COLEC11: variants seen among roughly 807,000 people sequenced by gnomAD.
COLEC11 encodes the protein collectin subfamily member 11.
In COLEC11, 20 loss-of-function variants were observed where a neutral mutation model predicts 27.3. The ratio of observed to expected loss-of-function variants is 0.73; its 90% CI spans 0.51 to 1.06. The LOEUF is 1.06. Among genes scored for constraint, COLEC11 ranks in the 50% least tolerant of loss-of-function variants. COLEC11 has a pLI of 0.00. For missense variants in COLEC11, 310 were observed against 383.0 expected, an observed-to-expected ratio of 0.81 and a Z score of 1.59; for synonymous variants, 163 against 154.7, an observed-to-expected ratio of 1.05 and a Z score of -0.40.
chr2:3,596,267 G>C (rs1041232134), intron 1 of COLEC11, among the ~76,000 whole-genome samples: 1 of 152,024 alleles, frequency 6.6e-6, no homozygotes, highest in Non-Finnish European at 1.5e-5. Flanking sequence ...CCTTGCTGTA[G>C]ATACTTAATG....
At chr2:3,606,178 C>G in intron 2 of COLEC11, 1 of 1,550,408 alleles carries the variant, frequency 6.4e-7, no homozygotes. Context: ...CTGTGGAGGT[C>G]ACGTCCCTGC....
chr2:3,633,388 C>G (rs1299239548), intron 3 of COLEC11, among the ~76,000 whole-genome samples: 1 of 152,282 alleles, frequency 6.6e-6, no homozygotes, highest in Non-Finnish European at 1.5e-5. Context: ...TTAGCCATCT[C>G]TGAATCACAC....
At chr2:3,621,955 G>A (rs993508610) in intron 3 of COLEC11, among the ~76,000 whole-genome samples, 1 of 152,044 alleles carries the variant, frequency 6.6e-6, no homozygotes, top group African/African-American at 2.4e-5. Flanking sequence ...GAGGCGGGTG[G>A]ATCACGAGGT....
chr2:3,627,514 T>C (rs1664646739), intron 3 of COLEC11, among the ~76,000 whole-genome samples: 1 of 148,424 alleles, frequency 6.7e-6, no homozygotes, highest in Non-Finnish European at 1.5e-5. Context: ...CTGGGCATAA[T>C]AACGGTAGAT....
intron 3 of COLEC11, among the ~76,000 whole-genome samples, chr2:3,631,758 C>T (rs554709206): frequency 2.0e-5 from 3 of 151,504 alleles, no homozygotes; most frequent in African/African-American, 4.9e-5. Context: ...GGGCTCTGCT[C>T]GGAGGGCTCT....
intron 3 of COLEC11, chr2:3,626,121 A>G (rs1160302518): frequency 1.9e-6 from 3 of 1,574,396 alleles, no homozygotes; most frequent in Non-Finnish European, 2.6e-6. Flanking sequence ...CCACCTTCAC[A>G]CTTAAGTTGG....
At chr2:3,597,063 C>A (rs897904902) in intron 1 of COLEC11, among the ~76,000 whole-genome samples, 4 of 152,132 alleles carry the variant, frequency 2.6e-5, no homozygotes, top group Non-Finnish European at 5.9e-5. Flanking sequence ...ATGAGTGGAG[C>A]GAGTGAAGGC....
chr2:3,602,718 C>T lies in COLEC11; in HGVS notation c.-26-1597C>T, dbSNP rs993732825. Among the ~76,000 whole-genome samples the T allele has an allele frequency of 2.6e-5, 4 of 152,240 alleles. No homozygotes were observed. The highest frequency in any genetic ancestry group is 1.9e-4 in the East Asian group (1 of 5,202). On this transcript the variant is annotated intron_variant, in intron 1 of 6. Transcript: ENST00000349077. The surrounding 1 kb of genome is among the most constrained non-coding windows in gnomAD (Gnocchi z 6.2). ...AACCCCCAAAGCTGCTGGGCGCCGG[C>T]TCCTGTCTCCTGTCCTCTGTGCCCA...
At chr2:3,601,506 C>A (rs1180361605) in intron 1 of COLEC11, among the ~76,000 whole-genome samples, 1 of 152,134 alleles carries the variant, frequency 6.6e-6, no homozygotes. Flanking sequence ...GTTGCCCAGG[C>A]TGATCTCAAA....
chr2:3,621,402 T>C (rs1664177847), intron 3 of COLEC11, among the ~76,000 whole-genome samples: 1 of 152,034 alleles, frequency 6.6e-6, no homozygotes, highest in Admixed American at 6.5e-5. Context: ...CCTTCATTTT[T>C]AGTCTATGTG....
chr2:3,634,530 G>A (rs1048000963), intron 3 of COLEC11, among the ~76,000 whole-genome samples: 4 of 152,172 alleles, frequency 2.6e-5, no homozygotes, highest in African/African-American at 9.7e-5. Context: ...CCCTTGCAGC[G>A]AGTTTTGGGC....
At chr2:3,598,592 G>C (rs1558482139) in intron 1 of COLEC11, among the ~76,000 whole-genome samples, 1 of 152,212 alleles carries the variant, frequency 6.6e-6, no homozygotes, top group African/African-American at 2.4e-5. Flanking sequence ...TCAGCTGGTG[G>C]GGTCCTGGGT....
chr2:3,596,337 A>ATTTTTTTTT (rs369478323), intron 1 of COLEC11, among the ~76,000 whole-genome samples: 1 of 132,772 alleles, frequency 7.5e-6, no homozygotes, highest in Admixed American at 7.7e-5. Context: ...TGTCTATTTC[A>ATTTTTTTTT]TTTTTTTTTT....
chr2:3,614,703 T>C (rs762295516), intron 3 of COLEC11, among the ~76,000 whole-genome samples: 6 of 152,140 alleles, frequency 3.9e-5, no homozygotes, highest in Non-Finnish European at 8.8e-5. Flanking sequence ...GTTGCACAAG[T>C]TGTAGAAGAA....
In COLEC11 at chr2:3,643,957, C is replaced by T. The variant is rs368184468; in HGVS notation, c.655C>T (p.His219Tyr). The T allele has an allele frequency of 3.1e-6, 5 of 1,614,064 alleles. No individual in the cohort carries two copies. The African/African-American group carries it at 4.0e-5, about 13-fold the overall frequency. Residue 219 changes from histidine to tyrosine, a missense_variant, in exon 7 of 7, where the codon CAC becomes TAC. Transcript: ENST00000349077. ...GGAGGGCGCCTTCGTGTACTCTGAC[C>T]ACTCCCCCATGCGGACCTTCAACAA... ...EKEGAFVYSD[H>Y]SPMRTFNKWR...
At chr2:3,625,179 CCTTT>C (rs1664453642) in intron 3 of COLEC11, among the ~76,000 whole-genome samples, 1 of 152,252 alleles carries the variant, frequency 6.6e-6, no homozygotes, top group Non-Finnish European at 1.5e-5. Flanking sequence ...CTCCCTCCCT[CCTTT>C]CTTCCTTCCT....
At chr2:3,607,428 A>G (rs1413446472) in intron 2 of COLEC11, among the ~76,000 whole-genome samples, 1 of 146,626 alleles carries the variant, frequency 6.8e-6, no homozygotes, top group Non-Finnish European at 1.5e-5. Context: ...TATAGGCTTT[A>G]TCAAATGAAT....
intron 2 of COLEC11, among the ~76,000 whole-genome samples, chr2:3,612,438 C>G (rs1001455865): frequency 1.3e-5 from 2 of 152,124 alleles, no homozygotes; most frequent in Admixed American, 1.3e-4. Context: ...GAAGGCGGAC[C>G]CTGGACAGGA....
chr2:3,640,163 C>T, intron 4 of COLEC11, 115 bp from the exon 5 acceptor site: 1 of 737,634 alleles, frequency 1.4e-6, no homozygotes, highest in Non-Finnish European at 2.4e-6. Flanking sequence ...TTTGTAGCAA[C>T]AAGAGGGCCT....
Sources: gnomAD v4.1 joint callset for allele counts (sites outside exome capture counted in the v4.1 genomes callset) on GRCh38, gnomAD v4.1.1 for gene constraint, Gnocchi (gnomAD v3.1) non-coding constraint, MANE v1.5 for transcripts, NCBI Gene and HGNC (gene_info 2026-07-23, HGNC 2026-07-21) for gene names.